Variants in NCOA3 observed in about 807,000 individuals in gnomAD.
NCOA3 encodes the protein CBP-interacting protein.
Under a neutral mutation model 158.8 loss-of-function variants are expected in NCOA3, and 51 were observed. That is an observed-to-expected ratio of 0.32 (90% CI 0.26 to 0.41). NCOA3 has a LOEUF of 0.41. NCOA3 is among the 10% of genes least tolerant of loss of function. The pLI, the probability that NCOA3 is intolerant of heterozygous loss-of-function variation, is 1.00. For synonymous variants in NCOA3, 537 were observed against 592.4 expected (o/e 0.91, Z 1.36); for missense variants, 1,510 against 1,746.6 (o/e 0.86, Z 2.41).
chr20:47,597,380 G>A (rs930056301), intron 2 of NCOA3, among the ~76,000 whole-genome samples: 5 of 150,704 alleles, frequency 3.3e-5, no homozygotes, highest in African/African-American at 1.2e-4. Flanking sequence ...AGTTTGTATT[G>A]ATCTTAAGGC....
At chr20:47,539,176 G>A (rs946259596) in intron 1 of NCOA3, among the ~76,000 whole-genome samples, 6 of 152,090 alleles carry the variant, frequency 3.9e-5, no homozygotes, top group African/African-American at 1.4e-4. Context: ...TGTGCTGCCA[G>A]GCATGGTGGC....
At chr20:47,512,713 C>G (rs2084167059) in intron 1 of NCOA3, among the ~76,000 whole-genome samples, 1 of 152,122 alleles carries the variant, frequency 6.6e-6, no homozygotes, top group Non-Finnish European at 1.5e-5. Flanking sequence ...CCACTATACA[C>G]TCACTATGAG....
intron 2 of NCOA3, among the ~76,000 whole-genome samples, chr20:47,603,464 T>C (rs564704270): frequency 2.2e-4 from 34 of 152,234 alleles, no homozygotes; most frequent in Non-Finnish European, 4.3e-4. Flanking sequence ...CAAGCCCAAG[T>C]AGGCATGTGT....
chr20:47,536,999 C>T (rs1337775277), intron 1 of NCOA3, among the ~76,000 whole-genome samples: 15 of 150,916 alleles, frequency 9.9e-5, no homozygotes, highest in East Asian at 2.0e-4. Flanking sequence ...TTAGTAGAGA[C>T]GGGGTTTCAC....
Position 47,637,706 on chromosome 20 carries a change from T to A in NCOA3, c.2435T>A (p.Phe812Tyr). 6.2e-7 allele frequency: 1 copy of A among 1,612,454 alleles called. No individual in the cohort carries two copies. The highest frequency in any genetic ancestry group is 8.5e-7 in the Non-Finnish European group (1 of 1,178,956). Reference sequence around the variant, plus strand: ...CTTGGTGATCTGACTAGTTCTGACTTTTACAATAATTCCATATCCTCAAAT... The same window carrying A: ...CTTGGTGATCTGACTAGTTCTGACTATTACAATAATTCCATATCCTCAAAT... Reference protein sequence around the residue: ...AILGDLTSSDFYNNSISSNGS... With the variant: ...AILGDLTSSDYYNNSISSNGS... The change falls in exon 13 of 23, where the codon TTT (phenylalanine) becomes TAT (tyrosine). Residue 812 changes from phenylalanine (F) to tyrosine (Y), a missense_variant. Phe to Tyr is a conservative substitution (Grantham distance 22, BLOSUM62 3). Coordinates refer to ENST00000371998, the MANE Select transcript of NCOA3 (RefSeq NM_181659.3).
At chr20:47,640,231 G>A (rs1199388359) in intron 16 of NCOA3, among the ~76,000 whole-genome samples, 180 bp downstream of exon 16, 2 of 152,202 alleles carry the variant, frequency 1.3e-5, no homozygotes, top group Non-Finnish European at 2.9e-5. Flanking sequence ...AGTAAGCAGT[G>A]CGTGTGGCAT....
chr20:47,650,337 A>G (rs898856776), intron 19 of NCOA3, among the ~76,000 whole-genome samples: 6 of 150,382 alleles, frequency 4.0e-5, no homozygotes, highest in Non-Finnish European at 8.9e-5. Flanking sequence ...TGCAGCGTCA[A>G]TTCCCTGGGT....
At chr20:47,563,545 G>A (rs1697254595) in intron 1 of NCOA3, among the ~76,000 whole-genome samples, 2 of 152,292 alleles carry the variant, frequency 1.3e-5, no homozygotes, top group South Asian at 4.1e-4. Flanking sequence ...TTAAATTTGA[G>A]TGCAGGCTGG....
intron 20 of NCOA3, among the ~76,000 whole-genome samples, chr20:47,651,917 C>T (rs1249999268): frequency 3.3e-5 from 5 of 151,910 alleles, no homozygotes; most frequent in Admixed American, 6.6e-5. Flanking sequence ...CTGCCTGCAT[C>T]GGCCTCCCAA....
chr20:47,544,316 CTTTTTTT>C (rs397866275), intron 1 of NCOA3, among the ~76,000 whole-genome samples: 238 of 99,698 alleles, frequency 2.4e-3, no homozygotes, highest in South Asian at 5.4e-3. Flanking sequence ...TTTAATACTA[CTTTTTTT>C]TTTTTTTTTT....
At chr20:47,595,964 CAT>C (rs1334690540) in intron 2 of NCOA3, among the ~76,000 whole-genome samples, 6 of 152,242 alleles carry the variant, frequency 3.9e-5, no homozygotes, top group East Asian at 1.9e-4. Context: ...TATTTGTTCA[CAT>C]AGTGATTTTT....
chr20:47,567,083 C>A (rs1025683786), intron 1 of NCOA3, among the ~76,000 whole-genome samples: 1 of 151,760 alleles, frequency 6.6e-6, no homozygotes, highest in East Asian at 1.9e-4. Flanking sequence ...GAGTCTTGCT[C>A]TGTCACCAGG....
Position 47,656,451 on chromosome 20 carries a change from T to TAAAC in NCOA3, c.*3036_*3039dup, listed in dbSNP as rs1196501772. The TAAAC allele has an allele frequency of 5.9e-5, 9 of 152,258 alleles. No individual in the cohort carries two copies. The highest frequency in any genetic ancestry group is 1.2e-4 in the African/African-American group (5 of 41,454). 9.4% of individuals were successfully genotyped at this position (152,258 alleles called of 1,614,324 possible). A position where few individuals can be genotyped will look rare whatever the true frequency, so the allele number is the denominator to read the frequency against. On this transcript the variant is annotated 3_prime_UTR_variant, in exon 23 of 23. Transcript: ENST00000371998. The stretch of plus-strand genomic sequence containing the variant: ...ATCCAGAGGTGGGTGCAGCTGAAAG[T>TAAAC]AAACAGAATGGATTGCCAGTTACAT...
chr20:47,514,530 G>A (rs2084199557), intron 1 of NCOA3, among the ~76,000 whole-genome samples: 1 of 151,900 alleles, frequency 6.6e-6, no homozygotes, highest in Non-Finnish European at 1.5e-5. Context: ...TGGGTGTATA[G>A]GCATGTGCCA....
Position 47,635,970 on chromosome 20 carries a change from C to T in NCOA3, c.1584C>T (p.Ala528=), listed in dbSNP as rs765895650. ...FSSSSLSALQ[A]ISEGVGTSLL... The stretch of plus-strand genomic sequence containing the variant: ...GCAGCTCTCTCAGTGCCCTGCAAGC[C>T]ATCAGTGAAGGTGTGGGGACTTCCC... The change falls in exon 12 of 23, where the codon GCC becomes GCT. Residue 528 remains alanine (A), a synonymous_variant. Coordinates refer to ENST00000371998, the MANE Select transcript of NCOA3 (RefSeq NM_181659.3). The T allele has an allele frequency of 1.6e-5, 26 of 1,613,970 alleles. No individual in the cohort carries two copies. The highest frequency in any genetic ancestry group is 1.8e-5 in the Non-Finnish European group (21 of 1,179,972).
chr20:47,559,464 A>G (rs1418601964), intron 1 of NCOA3, among the ~76,000 whole-genome samples: 2 of 152,148 alleles, frequency 1.3e-5, no homozygotes, highest in Non-Finnish European at 2.9e-5. Context: ...CTGCATTTGT[A>G]CAAAACAGTA....
rs1379232110 is a variant in NCOA3 at position 47,654,096 on chromosome 20, T to TAGC, written c.*681_*683dup. 1 of 152,742 alleles carries TAGC rather than the reference T, an allele frequency of 6.5e-6. No individual in the cohort carries two copies. The highest frequency in any genetic ancestry group is 2.4e-5 in the African/African-American group (1 of 41,468). 9.5% of individuals were successfully genotyped at this position (152,742 alleles called of 1,614,324 possible). A position where few individuals can be genotyped will look rare whatever the true frequency, so the allele number is the denominator to read the frequency against. ...AGATGACAGTATTTAATCGCAGCAGTAGCAAACTTTTCACATGCTAATGTG... is the reference window on the plus strand; with the variant it reads ...AGATGACAGTATTTAATCGCAGCAGTAGCAGCAAACTTTTCACATGCTAATGTG... On this transcript the variant is annotated 3_prime_UTR_variant, in exon 23 of 23. Coordinates refer to ENST00000371998, the MANE Select transcript of NCOA3 (RefSeq NM_181659.3).
At chr20:47,565,561 CA>C (rs960944911) in intron 1 of NCOA3, among the ~76,000 whole-genome samples, 1 of 152,000 alleles carries the variant, frequency 6.6e-6, no homozygotes, top group Non-Finnish European at 1.5e-5. Flanking sequence ...ACTAAAACCA[CA>C]AAAATTAGCT....
At position 47,636,551 on chromosome 20, in the gene NCOA3, T is replaced by C. The variant is rs760683897; in HGVS notation, c.2165T>C (p.Val722Ala). Residue 722 changes from valine (V) to alanine (A), a missense_variant, in exon 12 of 23, where the codon GTC becomes GCC. Around this residue, in one of 4 missense-constraint regions of NCOA3, gnomAD observed 1,017 missense variants for 1,098.3 expected, o/e 0.93. Coordinates refer to ENST00000371998, the MANE Select transcript of NCOA3 (RefSeq NM_181659.3). ...ACTTCTTGTGGGGACGGAAATGTTG[T>C]CAAGCAGGAGCAGCTAAGTCCTAAG... Reference protein sequence around the residue: ...SITSCGDGNVVKQEQLSPKKK... With the variant: ...SITSCGDGNVAKQEQLSPKKK... 1.9e-6 allele frequency: 3 copies of C among 1,614,148 alleles called. No individual in the cohort carries two copies. In the Admixed American group the frequency reaches 5.0e-5, roughly 27 times the overall value.
Sources: allele counts gnomAD v4.1 joint callset (sites outside exome capture counted in the v4.1 genomes callset), GRCh38; gene constraint gnomAD v4.1.1; regional missense constraint gnomAD v4.1.1; transcripts MANE v1.5; gene names NCBI Gene and HGNC (gene_info 2026-07-23, HGNC 2026-07-21).